CDK14: variants seen among roughly 807,000 people sequenced by gnomAD.
The protein encoded by CDK14 is cyclin dependent kinase 14.
Under a neutral mutation model 60.7 loss-of-function variants are expected in CDK14, and 34 were observed. That is an observed-to-expected ratio of 0.56 (90% CI 0.43 to 0.75). The LOEUF is 0.75. Ranked by LOEUF, CDK14 falls within the 30% of genes least tolerant of loss-of-function variation. The probability of loss-of-function intolerance (pLI) is 0.00; values close to 1 mark genes in which losing one functional copy is unlikely to be tolerated. For synonymous variants in CDK14, 197 were observed against 203.7 expected, an observed-to-expected ratio of 0.97 and a Z score of 0.28; for missense variants, 482 against 564.1, an observed-to-expected ratio of 0.85 and a Z score of 1.47.
intron 8 of CDK14, among the ~76,000 whole-genome samples, chr7:90,919,251 A>G (rs544130776): frequency 6.6e-6 from 1 of 152,300 alleles, no homozygotes; most frequent in East Asian, 1.9e-4. Context: ...AATTGTATGA[A>G]CATGCATTTG....
At chr7:90,644,516 T>C (rs1800417656) in intron 2 of CDK14, among the ~76,000 whole-genome samples, 1 of 152,204 alleles carries the variant, frequency 6.6e-6, no homozygotes, top group Non-Finnish European at 1.5e-5. Flanking sequence ...TTCATTTATA[T>C]ATTTGAGAGG....
At position 91,120,296 on chromosome 7, in the gene CDK14, G is replaced by T. The variant is rs78264397; in HGVS notation, c.*28+2088G>T. Among the ~76,000 whole-genome samples, 10 of 152,210 alleles carry T rather than the reference G, an allele frequency of 6.6e-5. No individual in the cohort carries two copies. In the East Asian group the frequency reaches 1.9e-3, roughly 30 times the overall value. Reference sequence around the variant, plus strand: ...CAAATCAAGCTCACAGGACAGAAGGGTTGCTCAGAAAGTCTCAAAGGTTGC... The same window carrying T: ...CAAATCAAGCTCACAGGACAGAAGGTTTGCTCAGAAAGTCTCAAAGGTTGC... On this transcript the variant is annotated intron_variant, in intron 14 of 14. Transcript: ENST00000380050.
At chr7:90,788,484 C>T (rs989611715) in intron 4 of CDK14, among the ~76,000 whole-genome samples, 1 of 152,116 alleles carries the variant, frequency 6.6e-6, no homozygotes, top group African/African-American at 2.4e-5. Context: ...AGTTGCAGAA[C>T]AGAAAAGCAG....
chr7:90,753,343 CGATACA>C (rs1803923726), intron 4 of CDK14, among the ~76,000 whole-genome samples: 1 of 152,146 alleles, frequency 6.6e-6, no homozygotes, highest in Admixed American at 6.5e-5. Flanking sequence ...ATTCACAAAT[CGATACA>C]TGTGCTTCAC....
chr7:90,721,959 A>G (rs1802470902), intron 2 of CDK14, among the ~76,000 whole-genome samples: 1 of 152,150 alleles, frequency 6.6e-6, no homozygotes, highest in Non-Finnish European at 1.5e-5. Flanking sequence ...ATTCAACTGA[A>G]GACTTGTACG....
At chr7:91,190,535 G>A (rs1802328006) in intron 14 of CDK14, among the ~76,000 whole-genome samples, 2 of 152,194 alleles carry the variant, frequency 1.3e-5, no homozygotes, top group South Asian at 4.1e-4. Context: ...TATCACCCAG[G>A]CTGGGGTGCA....
chr7:90,772,691 A>C (rs138707874), intron 4 of CDK14, among the ~76,000 whole-genome samples: 72 of 152,276 alleles, frequency 4.7e-4, no homozygotes, highest in African/African-American at 1.4e-3. Context: ...GTGTTTCCTG[A>C]ACAGCCTGTG....
At chr7:90,863,733 T>C (rs1032115104) in intron 6 of CDK14, among the ~76,000 whole-genome samples, 2 of 150,476 alleles carry the variant, frequency 1.3e-5, no homozygotes, top group African/African-American at 4.9e-5. Flanking sequence ...TGATACAATT[T>C]AGACTTCAAA....
At chr7:91,200,532 C>G (rs573664661) in intron 14 of CDK14, among the ~76,000 whole-genome samples, 2 of 152,206 alleles carry the variant, frequency 1.3e-5, no homozygotes, top group African/African-American at 4.8e-5. Context: ...TGACATGGTA[C>G]TTGGGGAAGG....
chr7:90,899,141 G>A, intron 6 of CDK14, 150 bp from the exon 7 acceptor site: 1 of 504,518 alleles, frequency 2.0e-6, no homozygotes, highest in Non-Finnish European at 3.4e-6. Flanking sequence ...AGGGGGTGGG[G>A]AGGCATGCCA....
intron 12 of CDK14, among the ~76,000 whole-genome samples, chr7:91,104,640 T>C (rs891739892): frequency 6.6e-6 from 1 of 152,190 alleles, no homozygotes; most frequent in Non-Finnish European, 1.5e-5. Context: ...ACTGATCAGT[T>C]TTCTGTTTAT....
At chr7:90,926,759 C>G (rs1300630232) in intron 8 of CDK14, among the ~76,000 whole-genome samples, 1 of 152,146 alleles carries the variant, frequency 6.6e-6, no homozygotes, top group Non-Finnish European at 1.5e-5. Flanking sequence ...GCACAGACCC[C>G]TTAGGTTAAG....
At chr7:90,951,747 G>A (rs1794269764) in intron 8 of CDK14, among the ~76,000 whole-genome samples, 1 of 152,186 alleles carries the variant, frequency 6.6e-6, no homozygotes, top group Non-Finnish European at 1.5e-5. Flanking sequence ...ACTTGAAACA[G>A]TTACTAGTAA....
intron 10 of CDK14, among the ~76,000 whole-genome samples, chr7:90,994,681 G>A (rs1184429513): frequency 3.3e-5 from 5 of 152,086 alleles, no homozygotes; most frequent in African/African-American, 7.2e-5. Context: ...ACTGCTTCCC[G>A]TGCTAAATAT....
At chr7:90,726,015 A>G (rs188650987) in intron 2 of CDK14, among the ~76,000 whole-genome samples, 2 of 152,302 alleles carry the variant, frequency 1.3e-5, no homozygotes, top group African/African-American at 4.8e-5. Flanking sequence ...GTTCTTCAGT[A>G]TCTCTAACCA....
chr7:91,172,275 G>A (rs1801543904), intron 14 of CDK14, among the ~76,000 whole-genome samples: 1 of 152,186 alleles, frequency 6.6e-6, no homozygotes, highest in South Asian at 2.1e-4. Context: ...AGAAAGCTCA[G>A]TATCTTCCAT....
intron 9 of CDK14, among the ~76,000 whole-genome samples, chr7:90,957,425 G>T (rs1313384613): frequency 6.6e-6 from 1 of 152,140 alleles, no homozygotes; most frequent in East Asian, 1.9e-4. Flanking sequence ...CCTGTTTGCA[G>T]ACGACATGAT....
rs1788794612 is a variant in CDK14 at position 90,805,598 on chromosome 7, A to C, written c.544+14946A>C. Among the ~76,000 whole-genome samples, 2 of 152,144 alleles carry C rather than the reference A, an allele frequency of 1.3e-5. 1 individual carries two copies. The highest frequency in any genetic ancestry group is 4.1e-4 in the South Asian group (2 of 4,828). On this transcript the variant is annotated intron_variant, in intron 5 of 14. Transcript: ENST00000380050. ...AAACATATTTAGAATTTTTGTACTGAAAATTACAAAATCTTGATGGAAAGA... is the reference window on the plus strand; with the variant it reads ...AAACATATTTAGAATTTTTGTACTGCAAATTACAAAATCTTGATGGAAAGA...
At chr7:90,697,826 T>C (rs1392144861) in intron 2 of CDK14, among the ~76,000 whole-genome samples, 1 of 151,976 alleles carries the variant, frequency 6.6e-6, no homozygotes, top group Non-Finnish European at 1.5e-5. Flanking sequence ...CCCAGCACTT[T>C]GGGAGGCTGA....
Sources: gnomAD v4.1 joint callset for allele counts (sites outside exome capture counted in the v4.1 genomes callset) on GRCh38, gnomAD v4.1.1 for gene constraint, MANE v1.5 for transcripts, NCBI Gene and HGNC (gene_info 2026-07-23, HGNC 2026-07-21) for gene names.